The following KIAA1217 variants were observed in gnomAD, a reference collection of about 807,000 sequenced individuals.
KIAA1217 encodes the protein KIAA1217.
In KIAA1217, 88 loss-of-function variants were observed where a neutral mutation model predicts 163.9. The ratio of observed to expected loss-of-function variants is 0.54; its 90% CI spans 0.45 to 0.64. The LOEUF is 0.64. KIAA1217 is among the 30% of genes least tolerant of loss of function. KIAA1217 has a pLI of 0.00. For missense variants in KIAA1217, 2,372 were observed against 2,475.0 expected, an observed-to-expected ratio of 0.96 and a Z score of 0.88; for synonymous variants, 903 against 923.1, an observed-to-expected ratio of 0.98 and a Z score of 0.39.
rs756694741 is a variant in KIAA1217, at chr10:24,544,168, C to A, written c.4898C>A (p.Thr1633Asn). The A allele has an allele frequency of 6.2e-7, 1 of 1,614,114 alleles. No individual in the cohort carries two copies. The highest frequency in any genetic ancestry group is 8.5e-7 in the Non-Finnish European group (1 of 1,180,038). Residue 1633 changes from threonine to asparagine, a missense_variant, in exon 19 of 21, where the codon ACC becomes AAC. Around this residue, in one of 3 missense-constraint regions of KIAA1217, gnomAD observed 690 missense variants for 677.5 expected, o/e 1.02. Transcript: ENST00000376454. ...ATCGCTAGGTCTCAACCTGAAGACA[C>A]CCCTGAAAACACAGTGAGGAGGCAA... ...FEIARSQPED[T>N]PENTVRRQEQ...
At chr10:24,302,827 C>G (rs192525411) in intron 2 of KIAA1217, among the ~76,000 whole-genome samples, 1 of 151,938 alleles carries the variant, frequency 6.6e-6, no homozygotes, top group Admixed American at 6.6e-5. Flanking sequence ...GTGGAAGAGC[C>G]CAGAAGGCAG....
chr10:23,879,508 C>T (rs1488673477), intron 1 of KIAA1217, among the ~76,000 whole-genome samples: 5 of 151,874 alleles, frequency 3.3e-5, no homozygotes, highest in Non-Finnish European at 7.4e-5. Context: ...ACAATGCAGA[C>T]ACGTCAAACC....
intron 2 of KIAA1217, among the ~76,000 whole-genome samples, chr10:24,185,526 G>A (rs977769277): frequency 6.6e-6 from 1 of 152,164 alleles, no homozygotes; most frequent in African/African-American, 2.4e-5. Flanking sequence ...CAGGTATGGT[G>A]GCTCATGCCT....
At chr10:24,034,732 A>G (rs1358226190) in intron 2 of KIAA1217, among the ~76,000 whole-genome samples, 1 of 152,188 alleles carries the variant, frequency 6.6e-6, no homozygotes. Context: ...GAAGACGCAG[A>G]CATCCTGGAG....
intron 1 of KIAA1217, among the ~76,000 whole-genome samples, chr10:23,801,353 C>CGTT (rs1836458170): frequency 6.6e-6 from 1 of 152,094 alleles, no homozygotes; most frequent in African/African-American, 2.4e-5. Flanking sequence ...GGAGGGATAG[C>CGTT]GTTAGGATTA....
Position 24,422,901 on chromosome 10 carries a change from C to CTT in KIAA1217, c.554-10074_554-10073dup, listed in dbSNP as rs58161228. Among the ~76,000 whole-genome samples the CTT allele has an allele frequency of 2.8e-3, 335 of 120,572 alleles. 8 individuals are homozygous for CTT. Among genetic ancestry groups the CTT allele is most frequent in the African/African-American group, 8.0e-3 (257 of 32,096 alleles). 79.1% of individuals were successfully genotyped at this position (120,572 alleles called of 152,430 possible). On this transcript the variant is annotated intron_variant, in intron 3 of 20. Coordinates refer to ENST00000376454, the MANE Select transcript of KIAA1217 (RefSeq NM_019590.5). The stretch of plus-strand genomic sequence containing the variant: ...CTCATATTACTTCCTATAGATTTAA[C>CTT]TTTTTTTTTTTTTTTTTTTTTGAGA...
intron 1 of KIAA1217, among the ~76,000 whole-genome samples, chr10:23,896,462 A>C (rs1177379138): frequency 3.9e-5 from 6 of 152,094 alleles, no homozygotes; most frequent in Non-Finnish European, 1.5e-5. Flanking sequence ...TCTTAGCTTC[A>C]GGTGACTGAT....
intron 1 of KIAA1217, among the ~76,000 whole-genome samples, chr10:23,784,954 G>GA (rs1835425391): frequency 6.6e-6 from 1 of 151,918 alleles, no homozygotes; most frequent in Non-Finnish European, 1.5e-5. Context: ...CAACGCTTTT[G>GA]AACAATTTTG....
chr10:24,495,222 G>A (rs1255354317), intron 8 of KIAA1217, 26 bp downstream of exon 8: 6 of 1,600,714 alleles, frequency 3.7e-6, no homozygotes, highest in Non-Finnish European at 5.1e-6. Flanking sequence ...TGGAGCTGTA[G>A]GAGGCCTGTG....
chr10:24,090,197 C>T (rs1440878805), intron 2 of KIAA1217, among the ~76,000 whole-genome samples: 19 of 130,782 alleles, frequency 1.5e-4, no homozygotes, highest in Admixed American at 2.7e-4. Flanking sequence ...GACAGGGTCT[C>T]GCTCTCTTGC....
In KIAA1217 at chr10:24,337,590, T is replaced by TTTTTCTTTTCTTTTC. The variant is rs774132476; in HGVS notation, c.355-43229_355-43215dup. 8.2e-4 allele frequency among the ~76,000 whole-genome samples: 110 copies of TTTTTCTTTTCTTTTC among 134,474 alleles called. 3 individuals carry two copies. Among genetic ancestry groups the TTTTTCTTTTCTTTTC allele is most frequent in the Admixed American group, 7.3e-4 (9 of 12,308 alleles). 88.2% of individuals were successfully genotyped at this position (134,474 alleles called of 152,430 possible). ...TGCTTTGTTTTTGTTTTGTGTGGTT[T>TTTTTCTTTTCTTTTC]TTTTCTTTTCTTTTCTTTTCTTTTC... On this transcript the variant is annotated intron_variant, in intron 2 of 20. Transcript: ENST00000376454.
chr10:23,890,330 A>T (rs1237112640), intron 1 of KIAA1217, among the ~76,000 whole-genome samples: 2 of 151,582 alleles, frequency 1.3e-5, no homozygotes, highest in Admixed American at 6.6e-5. Flanking sequence ...CAGATTTTTA[A>T]TCTTTCTCTT....
intron 1 of KIAA1217, among the ~76,000 whole-genome samples, chr10:23,862,306 T>G (rs1839991996): frequency 6.6e-6 from 1 of 152,176 alleles, no homozygotes; most frequent in Non-Finnish European, 1.5e-5. Context: ...AATGCACAGA[T>G]TATAAATATG....
At chr10:23,702,079 G>A (rs1015922529) in intron 1 of KIAA1217, among the ~76,000 whole-genome samples, 4 of 152,160 alleles carry the variant, frequency 2.6e-5, no homozygotes, top group East Asian at 3.8e-4. Context: ...ATTTCCATTA[G>A]ATTACAGTGG....
chr10:24,126,976 C>T (rs747601757), intron 2 of KIAA1217, among the ~76,000 whole-genome samples: 33 of 152,076 alleles, frequency 2.2e-4, no homozygotes, highest in Non-Finnish European at 1.8e-4. Context: ...TGCTTTCTCT[C>T]TTTCTCTTTT....
chr10:24,417,635 G>A (rs1215158645), intron 3 of KIAA1217, among the ~76,000 whole-genome samples: 1 of 152,118 alleles, frequency 6.6e-6, no homozygotes, highest in Non-Finnish European at 1.5e-5. Flanking sequence ...AGACACAGTG[G>A]AGAGGAAGGA....
chr10:24,495,091 A>G, intron 7 of KIAA1217, 56 bp from the exon 8 acceptor site: 1 of 1,500,138 alleles, frequency 6.7e-7, no homozygotes. Context: ...GCTTTAAAAA[A>G]AAAAAAAAAG....
At chr10:24,538,510 AAG>A (rs889203367) in intron 17 of KIAA1217, among the ~76,000 whole-genome samples, 1 of 143,824 alleles carries the variant, frequency 7.0e-6, no homozygotes, top group Non-Finnish European at 1.5e-5. Flanking sequence ...AGATGAAAGA[AAG>A]AGAGAGAGAT....
intron 1 of KIAA1217, among the ~76,000 whole-genome samples, chr10:23,935,882 G>A (rs945553514): frequency 2.8e-4 from 43 of 152,256 alleles, no homozygotes; most frequent in African/African-American, 9.1e-4. Flanking sequence ...ATAAATGTCA[G>A]GGTCCCAACA....
Sources: allele counts gnomAD v4.1 joint callset (sites outside exome capture counted in the v4.1 genomes callset), GRCh38; gene constraint gnomAD v4.1.1; regional missense constraint gnomAD v4.1.1; transcripts MANE v1.5; gene names NCBI Gene and HGNC (gene_info 2026-07-23, HGNC 2026-07-21).